Variants in SEC14L6 observed in about 807,000 individuals in gnomAD.
SEC14L6 encodes the protein SEC14 like lipid binding 6.
A neutral mutation model predicts 54.1 loss-of-function variants in SEC14L6; 40 were observed. The observed-to-expected ratio is 0.74, with a 90% confidence interval of 0.57 to 0.96. The LOEUF (loss-of-function observed/expected upper bound fraction) is 0.96, where lower values mean the gene tolerates loss of function less well. SEC14L6 is among the 40% of genes least tolerant of loss of function. The pLI, the probability that SEC14L6 is intolerant of heterozygous loss-of-function variation, is 0.00. For synonymous variants in SEC14L6, 171 were observed against 198.4 expected, an observed-to-expected ratio of 0.86 and a Z score of 1.16; for missense variants, 471 against 498.3, an observed-to-expected ratio of 0.95 and a Z score of 0.52.
At position 30,523,737 on chromosome 22, in the gene SEC14L6, A is replaced by C. The variant is rs934936630; in HGVS notation, c.*1260T>G. 8 of 152,164 alleles carry C rather than the reference A, an allele frequency of 5.3e-5. No homozygotes were observed. Among genetic ancestry groups the C allele is most frequent in the African/African-American group, 1.9e-4 (8 of 41,456 alleles). The allele number at this position is 152,164 out of a possible 1,614,324, so 9.4% of individuals were successfully genotyped here. A position where few individuals can be genotyped will look rare whatever the true frequency, so the allele number is the denominator to read the frequency against. ...TCAGATGCTATAACAGTGGGAGGGA[A>C]CGTGTATGTGGAAGACAGAATAGAG... On this transcript the variant is annotated 3_prime_UTR_variant, in exon 12 of 12. Coordinates refer to ENST00000402034, the MANE Select transcript of SEC14L6 (RefSeq NM_001193336.4).
intron 6 of SEC14L6, among the ~76,000 whole-genome samples, chr22:30,529,880 C>T (rs1936913029): frequency 6.6e-6 from 1 of 152,190 alleles, no homozygotes; most frequent in African/African-American, 2.4e-5. Context: ...GAGAGACTTT[C>T]TTTTAGCATA....
rs56174611 is a variant in SEC14L6 at position 30,543,461 on chromosome 22, C to T, written c.54+3168G>A. 1.3e-3 allele frequency: 2,025 copies of T among 1,612,064 alleles called. 6 individuals carry two copies. Among genetic ancestry groups the T allele is most frequent in the Middle Eastern group, 2.3e-3 (14 of 6,058 alleles). On this transcript the variant is annotated intron_variant, in intron 1 of 11. Transcript: ENST00000402034. ...AACGGCAATGTGTCCCGGACAGAAA[C>T]GGCCTCAACTCTTACAGAGAACAAG...
chr22:30,529,219 A>T (rs1175755985), intron 7 of SEC14L6, 49 bp from the exon 8 acceptor site: 1 of 1,546,014 alleles, frequency 6.5e-7, no homozygotes, highest in East Asian at 2.4e-5. Context: ...CTGGGGTCTC[A>T]GGTGCCCACC....
At chr22:30,532,028 T>A (rs938091165) in intron 5 of SEC14L6, 30 bp from the exon 6 acceptor site, 2 of 1,544,988 alleles carry the variant, frequency 1.3e-6, no homozygotes, top group African/African-American at 2.7e-5. Context: ...GGTGAGACCC[T>A]GTGAGGGCCA....
chr22:30,528,119 CTTTTTT>C (rs1201756831), intron 8 of SEC14L6, among the ~76,000 whole-genome samples: 1 of 117,680 alleles, frequency 8.5e-6, no homozygotes, highest in African/African-American at 3.2e-5. Flanking sequence ...ACCTAGATTT[CTTTTTT>C]TTTTTTTTTT....
rs954787269 is a variant in SEC14L6 at position 30,524,876 on chromosome 22, G to A, written c.*121C>T. ...GTGGGCCAGCTGTGATGCATAGGCT[G>A]TGACCTGCTGTTGTAGAATCCCTGT... On this transcript the variant is annotated 3_prime_UTR_variant, in exon 12 of 12. Coordinates refer to ENST00000402034, the MANE Select transcript of SEC14L6 (RefSeq NM_001193336.4). 7.6e-6 allele frequency: 5 copies of A among 660,496 alleles called. No individual in the cohort carries two copies. The East Asian group carries it at 8.4e-5, about 11-fold the overall frequency. The allele number at this position is 660,496 out of a possible 1,614,324, so 40.9% of individuals were successfully genotyped here.
rs529317130 is a variant in SEC14L6, at chr22:30,543,315, T to C, written c.54+3314A>G. 3.2e-6 allele frequency: 5 copies of C among 1,573,062 alleles called. No individual in the cohort carries two copies. The South Asian group carries it at 3.3e-5, about 10-fold the overall frequency. On this transcript the variant is annotated intron_variant, in intron 1 of 11. Coordinates refer to ENST00000402034, the MANE Select transcript of SEC14L6 (RefSeq NM_001193336.4). ...GTGGGACTGCCAACTTGTCTGAGAC[T>C]ATCCAAGTTCCACCCACCTTGGAGG...
intron 1 of SEC14L6, chr22:30,543,693 G>T: frequency 6.2e-7 from 1 of 1,610,504 alleles, no homozygotes; most frequent in Non-Finnish European, 8.5e-7. Context: ...TCTATATTGT[G>T]GTGGGCGTGG....
In SEC14L6 at chr22:30,523,601, ACATGCCTCAGCCTCC is replaced by A. The variant is rs1176290587; in HGVS notation, c.*1381_*1395del. 3 of 152,212 alleles carry A rather than the reference ACATGCCTCAGCCTCC, an allele frequency of 2.0e-5. No individual in the cohort carries two copies. Among genetic ancestry groups the A allele is most frequent in the African/African-American group, 7.2e-5 (3 of 41,430 alleles). The allele number at this position is 152,212 out of a possible 1,614,324, so 9.4% of individuals were successfully genotyped here. ...TCAAACTCCTGGCCTCGAGCAATCC[ACATGCCTCAGCCTCC>A]CAAAGTGCTGGGATTACAGGTGTGA... On this transcript the variant is annotated 3_prime_UTR_variant, in exon 12 of 12. Transcript: ENST00000402034.
At chr22:30,528,411 G>T (rs1005558896) in intron 8 of SEC14L6, among the ~76,000 whole-genome samples, 1 of 131,854 alleles carries the variant, frequency 7.6e-6, no homozygotes, top group African/African-American at 3.2e-5. Flanking sequence ...GTGAACCACC[G>T]CGCTCGGCCT....
chr22:30,528,417 G>A (rs1281599796), intron 8 of SEC14L6, among the ~76,000 whole-genome samples: 2 of 112,736 alleles, frequency 1.8e-5, no homozygotes, highest in African/African-American at 4.3e-5. Flanking sequence ...CACCGCGCTC[G>A]GCCTCTTTTT....
At chr22:30,542,585 G>A in intron 1 of SEC14L6, 8 of 1,480,222 alleles carry the variant, frequency 5.4e-6, no homozygotes, top group South Asian at 1.3e-5. Context: ...GGAGCCCGCG[G>A]GCCGGTCCCC....
chr22:30,541,817 A>C (rs1366919340), intron 1 of SEC14L6, among the ~76,000 whole-genome samples: 3 of 152,208 alleles, frequency 2.0e-5, no homozygotes, highest in Non-Finnish European at 4.4e-5. Context: ...TAGGTGATAG[A>C]GTGAGACCCT....
chr22:30,534,667 C>G (rs897044354), intron 2 of SEC14L6, among the ~76,000 whole-genome samples: 1 of 152,090 alleles, frequency 6.6e-6, no homozygotes, highest in Non-Finnish European at 1.5e-5. Context: ...TGCCTCACCC[C>G]CCAGAATGCT....
At chr22:30,533,805 G>A (rs1464248172) in intron 3 of SEC14L6, among the ~76,000 whole-genome samples, 191 bp downstream of exon 3, 1 of 151,970 alleles carries the variant, frequency 6.6e-6, no homozygotes, top group Non-Finnish European at 1.5e-5. Context: ...TGTTCCTCTG[G>A]TTTCTTTTTC....
intron 5 of SEC14L6, 76 bp from the exon 6 acceptor site, chr22:30,532,074 G>T: frequency 6.6e-7 from 1 of 1,510,436 alleles, no homozygotes. Flanking sequence ...CTGGGCCTAA[G>T]CCCAGGGCAC....
chr22:30,542,970 GAA>G, intron 1 of SEC14L6: 2 of 1,600,570 alleles, frequency 1.2e-6, no homozygotes, highest in Non-Finnish European at 1.7e-6. Context: ...ACGTGGAGTT[GAA>G]GTCTGGAGCA....
rs1357219421 is a variant in SEC14L6, at chr22:30,543,011, C to T, written c.54+3618G>A. 2.5e-6 allele frequency: 4 copies of T among 1,601,744 alleles called. No homozygotes were observed. The African/African-American group carries it at 4.0e-5, about 16-fold the overall frequency. On this transcript the variant is annotated intron_variant, in intron 1 of 11. Transcript: ENST00000402034. The stretch of plus-strand genomic sequence containing the variant: ...ACTGAGCTGTCTGTGCGTGCCAAAC[C>T]CTCTGCCCCCGTGGTATCGGGCCCC...
intron 2 of SEC14L6, among the ~76,000 whole-genome samples, chr22:30,535,889 T>TTTTTTTTTTTTTTTTTTTTTTTTTTTTG (rs1937125695): frequency 6.2e-5 from 1 of 16,176 alleles, no homozygotes; most frequent in Non-Finnish European, 1.4e-4. Flanking sequence ...TTTTTTGTGT[T>TTTTTTTTTTTTTTTTTTTTTTTTTTTTG]TTTTTTTTTT....
Sources: gnomAD v4.1 joint callset for allele counts (sites outside exome capture counted in the v4.1 genomes callset) on GRCh38, gnomAD v4.1.1 for gene constraint, MANE v1.5 for transcripts, NCBI Gene and HGNC (gene_info 2026-07-23, HGNC 2026-07-21) for gene names.